The following DYM variants were observed in gnomAD, a reference collection of about 807,000 sequenced individuals.
DYM encodes dyggve-Melchior-Clausen syndrome protein.
Under a neutral mutation model 93.1 loss-of-function variants are expected in DYM, and 78 were observed. That is an observed-to-expected ratio of 0.84 (90% CI 0.70 to 1.01). DYM has a LOEUF of 1.01. Among genes scored for constraint, DYM ranks in the 50% least tolerant of loss-of-function variants. The pLI is 0.00. For synonymous variants in DYM, 321 were observed against 319.7 expected, an observed-to-expected ratio of 1.00 and a Z score of -0.04; for missense variants, 789 against 845.0, an observed-to-expected ratio of 0.93 and a Z score of 0.82.
At chr18:49,208,370 T>C (rs924756209) in intron 14 of DYM, 7 of 152,138 alleles carry the variant, frequency 4.6e-5, no homozygotes, top group African/African-American at 1.7e-4. Context: ...GGAAAGTCAC[T>C]GGGTTTAGTC....
intron 13 of DYM, among the ~76,000 whole-genome samples, chr18:49,211,994 C>G (rs1308419866): frequency 6.6e-6 from 1 of 152,154 alleles, no homozygotes; most frequent in African/African-American, 2.4e-5. Flanking sequence ...TCACAGTTAA[C>G]ATTAACATCA....
intron 13 of DYM, among the ~76,000 whole-genome samples, chr18:49,224,468 T>G (rs554592978): frequency 1.1e-4 from 17 of 152,146 alleles, no homozygotes; most frequent in African/African-American, 3.6e-4. Context: ...TCTGAATGTT[T>G]GTGTCCCCCA....
At chr18:49,045,649 G>T (rs966754255) in intron 17 of DYM, among the ~76,000 whole-genome samples, 2 of 152,170 alleles carry the variant, frequency 1.3e-5, no homozygotes, top group Non-Finnish European at 2.9e-5. Flanking sequence ...AACAGCAGCA[G>T]CAGCAACAAA....
chr18:49,289,724 T>C (rs189696108), intron 8 of DYM, among the ~76,000 whole-genome samples: 10,768 of 35,676 alleles, frequency 0.3, 921 homozygotes, highest in East Asian at 0.52. Flanking sequence ...TATATATATA[T>C]GTGTATATAT....
chr18:49,392,436 G>C (rs577436368), intron 2 of DYM, among the ~76,000 whole-genome samples: 1 of 152,118 alleles, frequency 6.6e-6, no homozygotes, highest in East Asian at 1.9e-4. Context: ...AACAGTACTT[G>C]TAAATCACAT....
intron 6 of DYM, among the ~76,000 whole-genome samples, chr18:49,344,588 G>C (rs959351807): frequency 1.3e-5 from 2 of 152,094 alleles, no homozygotes; most frequent in African/African-American, 4.8e-5. Context: ...TCAGGAAGAA[G>C]AGTAGACATT....
intron 16 of DYM, among the ~76,000 whole-genome samples, chr18:49,107,311 T>A (rs2080930985): frequency 6.6e-6 from 1 of 152,110 alleles, no homozygotes; most frequent in Non-Finnish European, 1.5e-5. Context: ...ATTCGTCTAA[T>A]TTTTTTTCAC....
intron 14 of DYM, among the ~76,000 whole-genome samples, chr18:49,205,242 G>C (rs559972640): frequency 6.6e-6 from 1 of 152,186 alleles, no homozygotes; most frequent in Non-Finnish European, 1.5e-5. Context: ...GATTACAGGC[G>C]TGAGTCACTG....
chr18:49,391,506 T>C, intron 3 of DYM, 87 bp downstream of exon 3: 1 of 1,282,068 alleles, frequency 7.8e-7, no homozygotes. Context: ...AGAAGAGTAA[T>C]TACTTCATTA....
chr18:49,276,367 T>C (rs975168389), intron 10 of DYM, among the ~76,000 whole-genome samples: 2 of 151,976 alleles, frequency 1.3e-5, no homozygotes, highest in African/African-American at 4.8e-5. Flanking sequence ...ATATGATGTA[T>C]CACAATAACT....
At chr18:49,375,445 C>A (rs1197117309) in intron 5 of DYM, among the ~76,000 whole-genome samples, 1 of 151,906 alleles carries the variant, frequency 6.6e-6, no homozygotes, top group Admixed American at 6.6e-5. Context: ...TCCCCTTCCC[C>A]CTATCCCCCA....
chr18:49,353,741 T>G (rs746111638), intron 6 of DYM, among the ~76,000 whole-genome samples: 24 of 151,978 alleles, frequency 1.6e-4, no homozygotes, highest in Non-Finnish European at 3.1e-4. Flanking sequence ...AAAAGCTGTA[T>G]GAGCAAAACC....
intron 6 of DYM, among the ~76,000 whole-genome samples, chr18:49,360,967 A>T (rs1412160370): frequency 3.3e-5 from 5 of 152,224 alleles, no homozygotes; most frequent in Admixed American, 6.5e-5. Flanking sequence ...AGGAAGGAAG[A>T]GAAGGCAATG....
intron 11 of DYM, among the ~76,000 whole-genome samples, chr18:49,262,177 C>T (rs1446659351): frequency 3.3e-5 from 5 of 152,196 alleles, no homozygotes; most frequent in Admixed American, 3.3e-4. Flanking sequence ...CAGACACCTC[C>T]TGAGAGAAGG....
rs543237861 is a variant in DYM at position 49,161,299 on chromosome 18, C to T, written c.1728+2386G>A. Among the ~76,000 whole-genome samples, 11 of 152,264 alleles carry T rather than the reference C, an allele frequency of 7.2e-5. No individual in the cohort carries two copies. In the East Asian group the frequency reaches 2.1e-3, roughly 29 times the overall value. Reference sequence around the variant, plus strand: ...AATTGTCCTATCATGGCATAATTACCTCCATGGTTGGCAAATACCAGTAAA... The same window carrying T: ...AATTGTCCTATCATGGCATAATTACTTCCATGGTTGGCAAATACCAGTAAA... On this transcript the variant is annotated intron_variant, in intron 15 of 17. Transcript: ENST00000675505.
intron 15 of DYM, among the ~76,000 whole-genome samples, chr18:49,162,022 A>G (rs945636659): frequency 5.1e-4 from 78 of 152,382 alleles, no homozygotes; most frequent in African/African-American, 1.8e-3. Flanking sequence ...TGTCCTTATT[A>G]GAACTTGATG....
chr18:49,069,177 C>T (rs2076694138), intron 17 of DYM, among the ~76,000 whole-genome samples: 1 of 152,166 alleles, frequency 6.6e-6, no homozygotes, highest in Non-Finnish European at 1.5e-5. Context: ...CTAACGTGTT[C>T]ATGGAAAATA....
In DYM at chr18:49,118,828, T is replaced by C. The variant is rs794727149; in HGVS notation, c.1827A>G (p.Val609=). The change falls in exon 16 of 18, where the codon GTA becomes GTG. Residue 609 remains valine (V), a synonymous_variant. Transcript: ENST00000675505. ...TNSLHHNPNL[V]YALLYKRDLF... is the part of the protein sequence containing the mutation. ...GATCGCGTTTGTAAAGCAGGGCGTA[T>C]ACCAAGTTTGGGTTGTGGTGAAGGG... is the stretch of plus-strand genomic sequence containing the variant. The C allele has an allele frequency of 1.2e-6, 2 of 1,614,006 alleles. No individual in the cohort carries two copies. Among genetic ancestry groups the C allele is most frequent in the African/African-American group, 1.3e-5 (1 of 74,942 alleles).
chr18:49,442,946 C>T (rs937612607), intron 1 of DYM, among the ~76,000 whole-genome samples: 3 of 151,704 alleles, frequency 2.0e-5, no homozygotes, highest in Non-Finnish European at 2.9e-5. Flanking sequence ...CAACCTTTGC[C>T]TCCCGGGTTC....
Sources: gnomAD v4.1 joint callset for allele counts (sites outside exome capture counted in the v4.1 genomes callset) on GRCh38, gnomAD v4.1.1 for gene constraint, MANE v1.5 for transcripts, NCBI Gene and HGNC (gene_info 2026-07-23, HGNC 2026-07-21) for gene names.